The following EIF3H variants were observed in gnomAD, a reference collection of about 807,000 sequenced individuals.
The protein encoded by EIF3H is eIF-3-gamma.
Under a neutral mutation model 44.2 loss-of-function variants are expected in EIF3H, and 26 were observed. That is an observed-to-expected ratio of 0.59 (90% CI 0.43 to 0.82). The LOEUF is 0.82. Among genes scored for constraint, EIF3H ranks in the 40% least tolerant of loss-of-function variants. The pLI, the probability that EIF3H is intolerant of heterozygous loss-of-function variation, is 0.00. For missense variants in EIF3H, 359 were observed against 432.8 expected (o/e 0.83, Z 1.51); for synonymous variants, 166 against 151.9 (o/e 1.09, Z -0.68).
At chr8:116,672,872 A>T (rs1586445471) in intron 2 of EIF3H, among the ~76,000 whole-genome samples, 1 of 152,184 alleles carries the variant, frequency 6.6e-6, no homozygotes, top group Middle Eastern at 3.4e-3. Context: ...TTCCAGACAA[A>T]CAAGAACGCC....
chr8:116,738,977 C>T (rs1409849469), intron 1 of EIF3H, among the ~76,000 whole-genome samples: 6 of 152,028 alleles, frequency 3.9e-5, no homozygotes, highest in Non-Finnish European at 8.8e-5. Context: ...GGGAACAGGC[C>T]CCAAAATCCG....
At chr8:116,752,121 C>A (rs577982880) in intron 1 of EIF3H, among the ~76,000 whole-genome samples, 2 of 152,246 alleles carry the variant, frequency 1.3e-5, no homozygotes, top group Admixed American at 6.5e-5. Context: ...CCAATAAGAA[C>A]CCTCAGGATT....
intron 5 of EIF3H, among the ~76,000 whole-genome samples, chr8:116,652,875 T>C (rs1813418673): frequency 6.6e-6 from 1 of 152,178 alleles, no homozygotes; most frequent in African/African-American, 2.4e-5. Context: ...AGGCACTAGC[T>C]TCAGGTTTCT....
At chr8:116,678,162 G>A (rs1813882729) in intron 2 of EIF3H, among the ~76,000 whole-genome samples, 1 of 146,132 alleles carries the variant, frequency 6.8e-6, no homozygotes, top group Non-Finnish European at 1.5e-5. Context: ...ACTGGTTTTC[G>A]TTTTTTTTTT....
rs1293428508 is a variant in EIF3H, at chr8:116,686,713, G to T, written c.290-27733C>A. Reference sequence around the variant, plus strand: ...TGCAAAGGGGATGACTGTGGGGACAGGGGAATTAGGAAAGGCTTTGCAGAG... The same window carrying T: ...TGCAAAGGGGATGACTGTGGGGACATGGGAATTAGGAAAGGCTTTGCAGAG... On this transcript the variant is annotated intron_variant, in intron 2 of 7. Coordinates refer to ENST00000521861, the MANE Select transcript of EIF3H (RefSeq NM_003756.3). Among the ~76,000 whole-genome samples, 4 of 152,180 alleles carry T rather than the reference G, an allele frequency of 2.6e-5. No homozygotes were observed. The East Asian group carries it at 7.7e-4, about 29-fold the overall frequency.
intron 2 of EIF3H, among the ~76,000 whole-genome samples, chr8:116,681,708 TA>T (rs1345286905): frequency 6.6e-6 from 1 of 152,012 alleles, no homozygotes; most frequent in African/African-American, 2.4e-5. Context: ...AAGCATGTTT[TA>T]AACGTTTAGA....
At position 116,655,994 on chromosome 8, in the gene EIF3H, G is replaced by C. The variant is rs1220572882; in HGVS notation, c.569C>G (p.Ala190Gly). 6.2e-7 allele frequency: 1 copy of C among 1,612,900 alleles called. No individual in the cohort carries two copies. The highest frequency in any genetic ancestry group is 1.1e-5 in the South Asian group (1 of 90,944). ...AAACATGTACTCAAAGGTGATATTT[G>C]CTTTTTTCAATCTGTGAAGCATGTT... ...KDFSPEALKK[A>G]NITFEYMFEE... The change falls in exon 5 of 8, where the codon GCA becomes GGA. Residue 190 changes from alanine (A) to glycine (G), a missense_variant. This residue lies in a region of EIF3H where 85 missense variants were observed against 79.2 expected (regional missense o/e 1.07). Transcript: ENST00000521861.
chr8:116,651,810 G>A (rs990860181), intron 5 of EIF3H, among the ~76,000 whole-genome samples: 1 of 152,126 alleles, frequency 6.6e-6, no homozygotes, highest in Non-Finnish European at 1.5e-5. Flanking sequence ...GGCAGACAAC[G>A]GTCAAAGTGC....
At chr8:116,693,891 T>G (rs1814220317) in intron 2 of EIF3H, among the ~76,000 whole-genome samples, 1 of 152,124 alleles carries the variant, frequency 6.6e-6, no homozygotes, top group African/African-American at 2.4e-5. Context: ...GGCCTTGAGC[T>G]TTTGGCCTCA....
chr8:116,657,617 T>A (rs563694608), intron 3 of EIF3H: 1 of 353,626 alleles, frequency 2.8e-6, no homozygotes, highest in Non-Finnish European at 5.2e-6. Context: ...GAAAATTAAA[T>A]GTATCATATG....
intron 2 of EIF3H, among the ~76,000 whole-genome samples, chr8:116,675,091 TTATTGATTTATAA>T (rs1813824051): frequency 1.4e-5 from 2 of 141,992 alleles, no homozygotes; most frequent in Non-Finnish European, 3.0e-5. Flanking sequence ...CTCAAAAACT[TTATTGATTTATAA>T]AAAAATCTCT....
intron 1 of EIF3H, chr8:116,737,212 T>C (rs543992610): frequency 2.5e-5 from 11 of 434,366 alleles, no homozygotes; most frequent in Admixed American, 8.3e-5. Context: ...GAAGGACAGG[T>C]AGGCATTTGA....
intron 1 of EIF3H, among the ~76,000 whole-genome samples, chr8:116,731,960 G>A (rs1814956935): frequency 6.6e-6 from 1 of 152,156 alleles, no homozygotes; most frequent in South Asian, 2.1e-4. Context: ...GCCCTAAACA[G>A]TAAGTATTGT....
intron 1 of EIF3H, among the ~76,000 whole-genome samples, chr8:116,747,972 G>A (rs1030917092): frequency 3.9e-5 from 6 of 152,018 alleles, no homozygotes; most frequent in Admixed American, 1.3e-4. Context: ...TTAGCCAGGC[G>A]TGGTGGCGCA....
chr8:116,674,665 C>T (rs1238604562), intron 2 of EIF3H, among the ~76,000 whole-genome samples: 2 of 152,088 alleles, frequency 1.3e-5, no homozygotes, highest in Non-Finnish European at 2.9e-5. Flanking sequence ...AAAATAAGTG[C>T]TTTTGTGTAT....
In EIF3H at chr8:116,645,046, T is replaced by G; in HGVS notation, c.1019A>C (p.Lys340Thr). The G allele has an allele frequency of 6.2e-7, 1 of 1,614,188 alleles. No individual in the cohort carries two copies. The highest frequency in any genetic ancestry group is 8.5e-7 in the Non-Finnish European group (1 of 1,180,004). Residue 340 changes from lysine to threonine, a missense_variant, in exon 8 of 8, where the codon AAG (lysine) becomes ACG (threonine). Lys to Thr is a moderately conservative substitution (Grantham distance 78). This residue lies in a region of EIF3H where 94 missense variants were observed against 96.0 expected (regional missense o/e 0.98). Coordinates refer to ENST00000521861, the MANE Select transcript of EIF3H (RefSeq NM_003756.3). ...TTGAAGAGCCTGGGCCATGAAGAGC[T>G]TGCCTAAGTTTTGGGCAGTGAACTC... ...IKEFTAQNLG[K>T]LFMAQALQEY...
intron 1 of EIF3H, among the ~76,000 whole-genome samples, chr8:116,746,205 ATT>A (rs1815232254): frequency 1.3e-5 from 2 of 152,350 alleles, no homozygotes; most frequent in African/African-American, 4.8e-5. Context: ...TTTCTCATAC[ATT>A]TTAAAGTTAG....
chr8:116,679,475 G>A (rs1813927194), intron 2 of EIF3H, among the ~76,000 whole-genome samples: 9 of 26,440 alleles, frequency 3.4e-4, no homozygotes, highest in East Asian at 9.3e-4. Context: ...CTGCCCGGCC[G>A]CCCCTACTGG....
intron 5 of EIF3H, among the ~76,000 whole-genome samples, chr8:116,651,179 G>T (rs796959159): frequency 1.1e-4 from 17 of 152,302 alleles, no homozygotes; most frequent in African/African-American, 3.8e-4. Context: ...TGCACCTCCA[G>T]CAAATAATCT....
Sources: allele counts gnomAD v4.1 joint callset (sites outside exome capture counted in the v4.1 genomes callset), GRCh38; gene constraint gnomAD v4.1.1; regional missense constraint gnomAD v4.1.1; transcripts MANE v1.5; gene names NCBI Gene and HGNC (gene_info 2026-07-23, HGNC 2026-07-21).